The following PRKN variants were observed in gnomAD, a reference collection of about 807,000 sequenced individuals.
PRKN encodes the protein E3 ubiquitin-protein ligase parkin.
PRKN carries 56 observed loss-of-function variants against 59.5 expected under a neutral mutation model. The ratio of observed to expected loss-of-function variants is 0.94; its 90% CI spans 0.76 to 1.18. PRKN has a LOEUF of 1.18. Among genes scored for constraint, PRKN ranks in the 50% most tolerant of loss-of-function variants. The pLI is 0.00. For missense variants in PRKN, 657 were observed against 596.4 expected (o/e 1.10, Z -1.06); for synonymous variants, 250 against 222.1 (o/e 1.13, Z -1.12).
At chr6:162,441,155 C>T (rs1376753924) in intron 2 of PRKN, among the ~76,000 whole-genome samples, 5 of 152,088 alleles carry the variant, frequency 3.3e-5, no homozygotes, top group Non-Finnish European at 1.5e-5. Context: ...CTGGCATCAA[C>T]TCCCATCATG....
intron 6 of PRKN, among the ~76,000 whole-genome samples, chr6:161,854,561 T>C (rs1793567003): frequency 6.6e-6 from 1 of 152,158 alleles, no homozygotes; most frequent in Admixed American, 6.5e-5. Context: ...TAAGGTGTAC[T>C]TACCTACATA....
chr6:161,380,368 A>G (rs1785914698), intron 10 of PRKN, among the ~76,000 whole-genome samples: 1 of 150,952 alleles, frequency 6.6e-6, no homozygotes, highest in South Asian at 2.1e-4. Context: ...CTGTTTTTCT[A>G]CTTCACTAGA....
intron 6 of PRKN, among the ~76,000 whole-genome samples, chr6:161,802,478 C>A (rs978007940): frequency 2.6e-5 from 4 of 151,144 alleles, no homozygotes; most frequent in African/African-American, 9.7e-5. Context: ...CACACGCCCC[C>A]CACACACCCC....
chr6:161,563,093 C>G (rs1254895392), intron 8 of PRKN, among the ~76,000 whole-genome samples: 1 of 152,022 alleles, frequency 6.6e-6, no homozygotes, highest in Non-Finnish European at 1.5e-5. Flanking sequence ...GCTTGGGATG[C>G]TCTTCTGCCC....
intron 9 of PRKN, among the ~76,000 whole-genome samples, chr6:161,534,461 G>A (rs144461808): frequency 0.01 from 1,530 of 152,308 alleles, 18 homozygotes; most frequent in East Asian, 0.028. Context: ...CCCCACCAGC[G>A]GCCCCACAGC....
chr6:162,406,677 T>A (rs1303691473), intron 2 of PRKN, among the ~76,000 whole-genome samples: 2 of 152,100 alleles, frequency 1.3e-5, no homozygotes, highest in African/African-American at 4.8e-5. Context: ...CTGGGAACCC[T>A]CCTTGAAGAG....
At chr6:161,830,935 A>G (rs1236360478) in intron 6 of PRKN, among the ~76,000 whole-genome samples, 1 of 152,142 alleles carries the variant, frequency 6.6e-6, no homozygotes, top group Non-Finnish European at 1.5e-5. Context: ...TCCCTTTCCT[A>G]TGACCCTGCT....
intron 6 of PRKN, among the ~76,000 whole-genome samples, chr6:161,791,875 T>C (rs576647514): frequency 6.6e-6 from 1 of 152,076 alleles, no homozygotes; most frequent in Non-Finnish European, 1.5e-5. Flanking sequence ...TCACATGCAA[T>C]AGGAAAAGTG....
chr6:161,520,469 C>G (rs984887500), intron 9 of PRKN, among the ~76,000 whole-genome samples: 1 of 151,978 alleles, frequency 6.6e-6, no homozygotes, highest in East Asian at 1.9e-4. Flanking sequence ...CTCAGGTGAT[C>G]CACCCACCTC....
chr6:162,303,226 C>G (rs1782046516), intron 2 of PRKN, among the ~76,000 whole-genome samples: 1 of 152,022 alleles, frequency 6.6e-6, no homozygotes, highest in African/African-American at 2.4e-5. Context: ...AGTACTATGC[C>G]CAAATATTAT....
intron 1 of PRKN, among the ~76,000 whole-genome samples, chr6:162,505,701 A>C (rs1471931682): frequency 6.6e-6 from 1 of 152,200 alleles, no homozygotes; most frequent in Non-Finnish European, 1.5e-5. Context: ...GGAGGGATGA[A>C]GGGGTAATAG....
At chr6:162,132,772 T>C (rs1404945385) in intron 4 of PRKN, among the ~76,000 whole-genome samples, 2 of 151,936 alleles carry the variant, frequency 1.3e-5, no homozygotes, top group African/African-American at 4.8e-5. Context: ...CTCTGATAAG[T>C]GCTGTGGACA....
At chr6:162,435,043 G>A (rs564640448) in intron 2 of PRKN, among the ~76,000 whole-genome samples, 6 of 152,202 alleles carry the variant, frequency 3.9e-5, no homozygotes, top group African/African-American at 9.6e-5. Flanking sequence ...AGGTCAATTG[G>A]ATGATGGAAT....
In PRKN at chr6:161,818,291, AC is replaced by A. The variant is rs530398882; in HGVS notation, c.735-32384del. 2.2e-3 allele frequency among the ~76,000 whole-genome samples: 330 copies of A among 152,012 alleles called. 1 individual carries two copies. The highest frequency in any genetic ancestry group is 7.5e-3 in the African/African-American group (312 of 41,460). On this transcript the variant is annotated intron_variant, in intron 6 of 11. Transcript: ENST00000366898. Reference sequence around the variant, plus strand: ...CTATCCTGAGGTCAAGAAGTTCAAAACAAAGTGGAAAGACTGGACATCTGAT... The same window carrying A: ...CTATCCTGAGGTCAAGAAGTTCAAAAAAAGTGGAAAGACTGGACATCTGAT...
chr6:161,812,716 T>A (rs1210098222), intron 6 of PRKN, among the ~76,000 whole-genome samples: 1 of 152,078 alleles, frequency 6.6e-6, no homozygotes, highest in African/African-American at 2.4e-5. Context: ...ATATCCAAAA[T>A]TAAAAAGACT....
At chr6:161,601,413 C>T (rs1441400295) in intron 7 of PRKN, among the ~76,000 whole-genome samples, 4 of 152,032 alleles carry the variant, frequency 2.6e-5, no homozygotes, top group African/African-American at 4.8e-5. Context: ...GGACTCTGCC[C>T]TCATGATCTT....
intron 3 of PRKN, among the ~76,000 whole-genome samples, chr6:162,261,614 T>C (rs963822001): frequency 3.3e-5 from 5 of 152,138 alleles, no homozygotes; most frequent in Non-Finnish European, 7.4e-5. Context: ...TTTCTCAATT[T>C]TTCTTTCCAG....
intron 4 of PRKN, among the ~76,000 whole-genome samples, chr6:162,167,428 T>C (rs1783037795): frequency 6.6e-6 from 1 of 152,160 alleles, no homozygotes. Flanking sequence ...GTAAATGCTA[T>C]TGAAGTGTGC....
rs564936357 is a variant in PRKN, at chr6:161,363,031, C to T, written c.1168-2826G>A. ...CTGAGGCAGGTGGATCACTTGAGGCCGGGTGTTCAAGACCAGCCTGGCCAA... is the reference window on the plus strand; with the variant it reads ...CTGAGGCAGGTGGATCACTTGAGGCTGGGTGTTCAAGACCAGCCTGGCCAA... On this transcript the variant is annotated intron_variant, in intron 10 of 11. Transcript: ENST00000366898. This position sits in a 1 kb window ranked among gnomAD's most constrained non-coding sequence, Gnocchi z 4.1. Among the ~76,000 whole-genome samples the T allele has an allele frequency of 1.2e-4, 19 of 152,088 alleles. 1 individual carries two copies. Among genetic ancestry groups the T allele is most frequent in the Admixed American group, 3.9e-4 (6 of 15,280 alleles).
Sources: allele counts gnomAD v4.1 joint callset (sites outside exome capture counted in the v4.1 genomes callset), GRCh38; gene constraint gnomAD v4.1.1; non-coding constraint Gnocchi (gnomAD v3.1); transcripts MANE v1.5; gene names NCBI Gene and HGNC (gene_info 2026-07-23, HGNC 2026-07-21).